Variants in STK33 observed in about 807,000 individuals in gnomAD.
STK33 encodes the protein serine/threonine-protein kinase 33.
STK33 carries 52 observed loss-of-function variants against 58.0 expected under a neutral mutation model. The ratio of observed to expected loss-of-function variants is 0.90; its 90% CI spans 0.72 to 1.13. The LOEUF (loss-of-function observed/expected upper bound fraction) is 1.13. STK33 is among the 50% of genes most tolerant of loss of function. The pLI, the probability that STK33 is intolerant of heterozygous loss-of-function variation, is 0.00. For synonymous variants in STK33, 215 were observed against 200.1 expected (o/e 1.07, Z -0.63); for missense variants, 630 against 604.2 (o/e 1.04, Z -0.45).
intron 15 of STK33, among the ~76,000 whole-genome samples, chr11:8,392,974 ATGTC>A (rs2134890187): frequency 6.6e-6 from 1 of 152,364 alleles, no homozygotes; most frequent in East Asian, 1.9e-4. Context: ...ATGTAAGTAA[ATGTC>A]TGGTAACATT....
chr11:8,576,944 G>A (rs545927215), intron 1 of STK33, among the ~76,000 whole-genome samples: 4 of 152,204 alleles, frequency 2.6e-5, no homozygotes, highest in South Asian at 2.1e-4. Context: ...CTACTTCCCC[G>A]GGATTTAATG....
At chr11:8,399,246 A>C (rs1040405178) in intron 15 of STK33, among the ~76,000 whole-genome samples, 1 of 152,254 alleles carries the variant, frequency 6.6e-6, no homozygotes, top group Admixed American at 6.5e-5. Context: ...ATGTAAAAGA[A>C]AAGAAATTAT....
intron 1 of STK33, among the ~76,000 whole-genome samples, chr11:8,505,321 G>A (rs960796840): frequency 1.3e-5 from 2 of 152,182 alleles, no homozygotes; most frequent in Non-Finnish European, 2.9e-5. Context: ...TTTATTGAAT[G>A]TTAAAGTTGG....
chr11:8,398,974 T>G (rs1849877723), intron 15 of STK33, among the ~76,000 whole-genome samples: 1 of 152,150 alleles, frequency 6.6e-6, no homozygotes, highest in African/African-American at 2.4e-5. Flanking sequence ...AAGCAAGTCC[T>G]TAGAGACCTA....
At chr11:8,479,264 C>A (rs992373424) in intron 2 of STK33, among the ~76,000 whole-genome samples, 6 of 151,882 alleles carry the variant, frequency 4.0e-5, no homozygotes, top group Non-Finnish European at 1.5e-5. Flanking sequence ...GAAACCCCAT[C>A]TCTACTAAAA....
intron 11 of STK33, among the ~76,000 whole-genome samples, chr11:8,443,168 AATG>A (rs1161455132): frequency 6.6e-6 from 1 of 152,232 alleles, no homozygotes; most frequent in Non-Finnish European, 1.5e-5. Context: ...TTTCTTGGTT[AATG>A]ACTCTCTTAG....
chr11:8,347,518 G>A, the STK33 span, among the ~76,000 whole-genome samples: 20 of 152,330 alleles, frequency 1.3e-4, no homozygotes, highest in South Asian at 2.5e-3. Context: ...TCCAGGATCC[G>A]GGCTGAGGAA....
intron 15 of STK33, among the ~76,000 whole-genome samples, chr11:8,399,535 C>T (rs1471129368): frequency 6.6e-6 from 1 of 152,162 alleles, no homozygotes; most frequent in Non-Finnish European, 1.5e-5. Flanking sequence ...AAAACTGACA[C>T]CCTAACATCA....
chr11:8,555,564 C>G (rs1190001088), intron 1 of STK33, among the ~76,000 whole-genome samples: 3 of 151,860 alleles, frequency 2.0e-5, no homozygotes, highest in Non-Finnish European at 4.4e-5. Flanking sequence ...ACTCGGGAGG[C>G]TGAGGTGAGA....
At chr11:8,453,504 C>T (rs1055623091) in intron 10 of STK33, among the ~76,000 whole-genome samples, 1 of 152,062 alleles carries the variant, frequency 6.6e-6, no homozygotes, top group African/African-American at 2.4e-5. Flanking sequence ...AGCATATTAA[C>T]AGGAAAAAAA....
chr11:8,397,884 A>G (rs1849647736), intron 15 of STK33, among the ~76,000 whole-genome samples: 1 of 152,224 alleles, frequency 6.6e-6, no homozygotes, highest in Non-Finnish European at 1.5e-5. Context: ...AAATGAATGA[A>G]ATGAAGCAAG....
Position 8,455,134 on chromosome 11 carries a change from A to T in STK33, c.698-302T>A, listed in dbSNP as rs529659227. On this transcript the variant is annotated intron_variant, in intron 9 of 15. Coordinates refer to ENST00000687296, the MANE Select transcript of STK33 (RefSeq NM_001352389.2). ...ATCCTACCCATGCTTAGGTATTCCC[A>T]GGAGGAGGGAGATCATCTTAGTCAC... Among the ~76,000 whole-genome samples the T allele has an allele frequency of 3.3e-5, 5 of 152,276 alleles. 1 individual carries two copies. In the South Asian group the frequency reaches 1.0e-3, roughly 32 times the overall value.
At chr11:8,509,707 T>C (rs147601930) in intron 1 of STK33, among the ~76,000 whole-genome samples, 1 of 152,290 alleles carries the variant, frequency 6.6e-6, no homozygotes, top group African/African-American at 2.4e-5. Context: ...ATCATTCTTA[T>C]GCCTTTGCAT....
In STK33 at chr11:8,464,864, A is replaced by G. The variant is rs148790606; in HGVS notation, c.340-42T>C. The G allele has an allele frequency of 5.1e-5, 66 of 1,298,816 alleles. No homozygotes were observed. The African/African-American group carries it at 7.7e-4, about 15-fold the overall frequency. 80.5% of individuals were successfully genotyped at this position (1,298,816 alleles called of 1,614,324 possible). On this transcript the variant is annotated intron_variant, in intron 6 of 15. Transcript: ENST00000687296. ...AAAGAGTTGTCTCTCTATGCCATTC[A>G]TCAGCTATTAAAAATGAACATATAA...
At chr11:8,572,379 G>A (rs1010662048) in intron 1 of STK33, among the ~76,000 whole-genome samples, 2 of 152,082 alleles carry the variant, frequency 1.3e-5, no homozygotes, top group Non-Finnish European at 2.9e-5. Context: ...CTGCATGCCA[G>A]AACAAAGCGA....
intron 1 of STK33, among the ~76,000 whole-genome samples, chr11:8,521,775 C>T (rs959943480): frequency 1.3e-4 from 20 of 151,972 alleles, no homozygotes; most frequent in African/African-American, 4.8e-4. Flanking sequence ...AACAAATTTA[C>T]AAGAAAAAAA....
At chr11:8,385,217 C>G in the STK33 span, among the ~76,000 whole-genome samples, 1 of 152,246 alleles carries the variant, frequency 6.6e-6, no homozygotes, top group Non-Finnish European at 1.5e-5. Context: ...TAACTAATCT[C>G]CCTGGTTCCA....
At chr11:8,406,697 T>C (rs902568825) in intron 15 of STK33, among the ~76,000 whole-genome samples, 9 of 152,202 alleles carry the variant, frequency 5.9e-5, no homozygotes, top group African/African-American at 1.7e-4. Flanking sequence ...TTTTTATATA[T>C]AGATCTTGCA....
At chr11:8,442,030 T>TAC (rs55646106) in intron 11 of STK33, among the ~76,000 whole-genome samples, 7,039 of 143,362 alleles carry the variant, frequency 0.049, 213 homozygotes, top group African/African-American at 0.078. Flanking sequence ...TACCTACACC[T>TAC]ACACACACAC....
Sources: gnomAD v4.1 joint callset for allele counts (sites outside exome capture counted in the v4.1 genomes callset) on GRCh38, gnomAD v4.1.1 for gene constraint, MANE v1.5 for transcripts, NCBI Gene and HGNC (gene_info 2026-07-23, HGNC 2026-07-21) for gene names.